LHFPL5: variants seen among roughly 807,000 people sequenced by gnomAD.
The protein encoded by LHFPL5 is LHFPL tetraspan subfamily member 5 protein.
In LHFPL5, 12 loss-of-function variants were observed where a neutral mutation model predicts 18.7. The observed-to-expected ratio is 0.64, with a 90% CI of 0.41 to 1.04. The LOEUF is 1.04. Among genes scored for constraint, LHFPL5 ranks in the 50% least tolerant of loss-of-function variants. The pLI is 0.00. For missense variants in LHFPL5, 259 were observed against 292.1 expected (o/e 0.89, Z 0.83); for synonymous variants, 111 against 120.2 (o/e 0.92, Z 0.50).
At chr6:35,816,803 C>T (rs980047941) in intron 2 of LHFPL5, among the ~76,000 whole-genome samples, 8 of 137,192 alleles carry the variant, frequency 5.8e-5, no homozygotes, top group African/African-American at 2.2e-4. Flanking sequence ...CAGAGCAAGA[C>T]TCCATCTAAA....
chr6:35,818,974 G>A (rs1474818395), intron 2 of LHFPL5, among the ~76,000 whole-genome samples: 2 of 152,122 alleles, frequency 1.3e-5, no homozygotes, highest in African/African-American at 2.4e-5. Context: ...TGGGATTACA[G>A]GCATGTGCCA....
intron 1 of LHFPL5, among the ~76,000 whole-genome samples, chr6:35,808,275 A>G (rs1273131609): frequency 6.8e-6 from 1 of 146,234 alleles, no homozygotes; most frequent in Non-Finnish European, 1.5e-5. Context: ...CCTGGACAAC[A>G]TAGTGAGACC....
chr6:35,818,708 A>G (rs921002432), intron 2 of LHFPL5, among the ~76,000 whole-genome samples: 2 of 151,748 alleles, frequency 1.3e-5, no homozygotes, highest in Non-Finnish European at 2.9e-5. Flanking sequence ...CATAGCATAT[A>G]TAAAGCACTA....
chr6:35,813,853 A>G (rs1244421298), intron 1 of LHFPL5, among the ~76,000 whole-genome samples: 1 of 141,052 alleles, frequency 7.1e-6, no homozygotes, highest in Admixed American at 7.5e-5. Flanking sequence ...CTGGAGTGCA[A>G]TGGTGTGATC....
Position 35,805,758 on chromosome 6 carries a change from G to A in LHFPL5, c.88G>A (p.Gly30Ser). The change falls in exon 1 of 4, where the codon GGT (glycine) becomes AGT (serine). Residue 30 changes from glycine (G) to serine (S), a missense_variant. Gly to Ser is a moderately conservative substitution (Grantham distance 56). Transcript: ENST00000360215. This position sits in a 1 kb window ranked among gnomAD's most constrained non-coding sequence, Gnocchi z 4.3. The part of the protein sequence containing the change: ...RNSRAVGVMW[G>S]TLTICFSVLV... ...CTCGCGAGCCGTGGGCGTGATGTGG[G>A]GTACCCTCACCATCTGCTTCTCCGT... The A allele has an allele frequency of 1.9e-6, 3 of 1,614,180 alleles. No individual in the cohort carries two copies. The highest frequency in any genetic ancestry group is 1.7e-6 in the Non-Finnish European group (2 of 1,180,022).
rs202178128 is a variant in LHFPL5 at position 35,806,005 on chromosome 6, T to C, written c.335T>C (p.Ile112Thr). 132 of 1,614,224 alleles carry C rather than the reference T, an allele frequency of 8.2e-5. No homozygotes were observed. The East Asian group carries it at 2.6e-3, about 32-fold the overall frequency. The change falls in exon 1 of 4, where the codon ATC becomes ACC. Residue 112 changes from isoleucine (I) to threonine (T), a missense_variant. By Grantham distance (89) the Ile-to-Thr change is moderately conservative. Transcript: ENST00000360215. ...GGCATGTTCCTCATCATTGGCTCCA[T>C]CATCTGCTTCAGCCTGTTCTTCATC... ...ALGMFLIIGS[I>T]ICFSLFFICN...
intron 1 of LHFPL5, among the ~76,000 whole-genome samples, chr6:35,808,611 A>G (rs993371883): frequency 1.4e-5 from 2 of 142,152 alleles, no homozygotes; most frequent in African/African-American, 5.1e-5. Context: ...ATATATGAAC[A>G]AAGGGAAAAT....
intron 1 of LHFPL5, among the ~76,000 whole-genome samples, chr6:35,807,992 T>C (rs1317446444): frequency 6.6e-6 from 1 of 152,030 alleles, no homozygotes; most frequent in East Asian, 1.9e-4. Context: ...TAGGAAGGCA[T>C]GCACCTTTGA....
chr6:35,809,130 T>C (rs966246929), intron 1 of LHFPL5, among the ~76,000 whole-genome samples: 1 of 152,130 alleles, frequency 6.6e-6, no homozygotes, highest in East Asian at 1.9e-4. Context: ...CTTAACAAGA[T>C]TAATTGGGCT....
At chr6:35,817,295 T>C (rs1373227283) in intron 2 of LHFPL5, among the ~76,000 whole-genome samples, 1 of 151,856 alleles carries the variant, frequency 6.6e-6, no homozygotes, top group Non-Finnish European at 1.5e-5. Context: ...CACTCTAGCC[T>C]GGGCAACAGA....
intron 1 of LHFPL5, chr6:35,811,320 C>T (rs1025088777): frequency 2.0e-5 from 3 of 152,188 alleles, no homozygotes; most frequent in African/African-American, 7.2e-5. Context: ...ATTAATTGGC[C>T]ACTTTCCATG....
At chr6:35,818,342 TATATATG>T (rs1561955672) in intron 2 of LHFPL5, among the ~76,000 whole-genome samples, 57 of 8,510 alleles carry the variant, frequency 6.7e-3, no homozygotes, top group African/African-American at 7.9e-3. Context: ...TATATATATA[TATATATG>T]TATTTTTTTT....
chr6:35,806,991 AT>A (rs553758843), intron 1 of LHFPL5, among the ~76,000 whole-genome samples: 1 of 151,750 alleles, frequency 6.6e-6, no homozygotes, highest in East Asian at 1.9e-4. Flanking sequence ...TGTCTAGCTA[AT>A]TTTTTTTGTA....
chr6:35,814,425 C>A lies in LHFPL5; in HGVS notation c.413-121C>A. ...GGATGGTAGAGGCTGCCTCTCATGC[C>A]TCCTGAGGCTGTTAACAGAAGGAGA... On this transcript the variant is annotated intron_variant, in intron 1 of 3. Transcript: ENST00000360215. The surrounding 1 kb of genome is among the most constrained non-coding windows in gnomAD (Gnocchi z 4.2). 1.2e-6 allele frequency: 1 copy of A among 849,342 alleles called. No homozygotes were observed. The highest frequency in any genetic ancestry group is 2.0e-6 in the Non-Finnish European group (1 of 488,650). 52.6% of individuals were successfully genotyped at this position (849,342 alleles called of 1,614,324 possible).
chr6:35,818,248 T>G (rs571933765), intron 2 of LHFPL5, among the ~76,000 whole-genome samples: 1 of 151,816 alleles, frequency 6.6e-6, no homozygotes, highest in South Asian at 2.1e-4. Context: ...GCACAGGGTT[T>G]CTTTTTGGGG....
chr6:35,812,070 T>C (rs1239199804), intron 1 of LHFPL5, among the ~76,000 whole-genome samples: 1 of 152,142 alleles, frequency 6.6e-6, no homozygotes, highest in Non-Finnish European at 1.5e-5. Context: ...AAAATGAGGA[T>C]ATTAATAGCC....
intron 2 of LHFPL5, among the ~76,000 whole-genome samples, chr6:35,816,723 A>G (rs1768769814): frequency 6.6e-6 from 1 of 150,926 alleles, no homozygotes; most frequent in African/African-American, 2.4e-5. Context: ...GAGGCAGGAG[A>G]ATGGCATAAA....
chr6:35,821,447 CTTTGTGTG>C (rs1768864086), intron 3 of LHFPL5, among the ~76,000 whole-genome samples: 2 of 114,396 alleles, frequency 1.7e-5, no homozygotes, highest in African/African-American at 3.5e-5. Flanking sequence ...AGAGCATAAT[CTTTGTGTG>C]TGTGTGTGTG....
At chr6:35,821,028 G>A (rs569083446) in intron 3 of LHFPL5, among the ~76,000 whole-genome samples, 3 of 152,274 alleles carry the variant, frequency 2.0e-5, no homozygotes, top group South Asian at 2.1e-4. Context: ...ATTCTGCTGG[G>A]TGCAGTGGCT....
Sources: allele counts gnomAD v4.1 joint callset (sites outside exome capture counted in the v4.1 genomes callset), GRCh38; gene constraint gnomAD v4.1.1; non-coding constraint Gnocchi (gnomAD v3.1); transcripts MANE v1.5; gene names NCBI Gene and HGNC (gene_info 2026-07-23, HGNC 2026-07-21).